The following RGS7BP variants were observed in gnomAD, a reference collection of about 807,000 sequenced individuals.
RGS7BP encodes the protein regulator of G protein signaling 7 binding protein, also known as regulator of G protein signaling 7-binding protein.
Under a neutral mutation model 31.3 loss-of-function variants are expected in RGS7BP, and 9 were observed. The observed-to-expected ratio is 0.29, with a 90% CI of 0.17 to 0.50. The LOEUF (loss-of-function observed/expected upper bound fraction) is 0.50. RGS7BP is among the 20% of genes least tolerant of loss of function. RGS7BP has a pLI of 0.98. For missense variants in RGS7BP, 274 were observed against 322.0 expected (o/e 0.85, Z 1.14); for synonymous variants, 115 against 120.1 (o/e 0.96, Z 0.28).
intron 3 of RGS7BP, among the ~76,000 whole-genome samples, chr5:64,589,442 A>C (rs751582641): frequency 6.6e-6 from 1 of 152,190 alleles, no homozygotes; most frequent in Admixed American, 6.6e-5. Flanking sequence ...GGTGTGATGC[A>C]CTAAGGACAC....
intron 2 of RGS7BP, among the ~76,000 whole-genome samples, chr5:64,567,715 A>G (rs1319861633): frequency 1.3e-5 from 2 of 152,188 alleles, no homozygotes; most frequent in African/African-American, 4.8e-5. Context: ...ATACAGCATC[A>G]CTAACTTAAT....
chr5:64,602,107 A>G (rs897100693), intron 5 of RGS7BP, among the ~76,000 whole-genome samples: 3 of 152,182 alleles, frequency 2.0e-5, no homozygotes, highest in African/African-American at 7.2e-5. Flanking sequence ...TCCCAAACTC[A>G]TAGCATCCTC....
intron 5 of RGS7BP, among the ~76,000 whole-genome samples, chr5:64,602,889 T>A (rs993509567): frequency 1.3e-5 from 2 of 152,208 alleles, no homozygotes; most frequent in African/African-American, 4.8e-5. Context: ...GTGCTGAGAA[T>A]TTTTAGGATG....
Position 64,608,584 on chromosome 5 carries a change from A to G in RGS7BP, c.683-577A>G, listed in dbSNP as rs143759077. Among the ~76,000 whole-genome samples the G allele has an allele frequency of 6.6e-3, 1,011 of 152,212 alleles. 4 individuals carry two copies. Among genetic ancestry groups the G allele is most frequent in the African/African-American group, 0.022 (921 of 41,568 alleles). On this transcript the variant is annotated intron_variant, in intron 5 of 5. Coordinates refer to ENST00000334025, the MANE Select transcript of RGS7BP (RefSeq NM_001029875.3). ...GCTATTTTAACTAAACGCTTCCTCT[A>G]TGCTAGACAGTAAGCTACTCACCAT...
rs567434898 is a variant in RGS7BP, at chr5:64,516,619, T to A, written c.332+8742T>A. Among the ~76,000 whole-genome samples, 82 of 152,328 alleles carry A rather than the reference T, an allele frequency of 5.4e-4. 1 individual carries two copies. The highest frequency in any genetic ancestry group is 7.1e-4 in the Non-Finnish European group (48 of 68,030). On this transcript the variant is annotated intron_variant, in intron 2 of 5. Coordinates refer to ENST00000334025, the MANE Select transcript of RGS7BP (RefSeq NM_001029875.3). ...GTGTTTCTTCAAATTTGAAACTAGA[T>A]TTCCTGTATCAGAATCATGTGGGTG...
intron 2 of RGS7BP, among the ~76,000 whole-genome samples, chr5:64,512,230 A>T (rs1223365044): frequency 6.6e-6 from 1 of 152,208 alleles, no homozygotes; most frequent in Non-Finnish European, 1.5e-5. Flanking sequence ...ATGTAGAAAG[A>T]TTTACTCCAG....
At chr5:64,593,495 G>A (rs866787626) in intron 3 of RGS7BP, among the ~76,000 whole-genome samples, 17 of 152,284 alleles carry the variant, frequency 1.1e-4, no homozygotes, top group Middle Eastern at 6.8e-3. Context: ...AATATTCAGT[G>A]ATATGGGCTG....
chr5:64,603,913 T>A (rs1743285991), intron 5 of RGS7BP, among the ~76,000 whole-genome samples: 1 of 152,104 alleles, frequency 6.6e-6, no homozygotes, highest in African/African-American at 2.4e-5. Flanking sequence ...TGCAGAAGCA[T>A]GGAGCAGTCA....
Position 64,575,904 on chromosome 5 carries a change from G to A in RGS7BP, c.463G>A (p.Gly155Arg). Residue 155 changes from glycine to arginine, a missense_variant and splice_region_variant, in exon 3 of 6, where the codon GGA (glycine) becomes AGA (arginine). By Grantham distance (125) the Gly-to-Arg change is moderately radical (BLOSUM62 -2). Transcript: ENST00000334025. ...GGGGTCTCTTCAGTTTCATCGAAAA[G>A]GTATCTACATTTAATATTGCCGGAA... is the stretch of plus-strand genomic sequence containing the variant. Reference protein sequence around the residue: ...LLGSLQFHRKGKEPGGGTKSL... With the variant: ...LLGSLQFHRKRKEPGGGTKSL... The A allele has an allele frequency of 1.2e-6, 2 of 1,602,974 alleles. No homozygotes were observed. The highest frequency in any genetic ancestry group is 1.7e-6 in the Non-Finnish European group (2 of 1,176,196).
chr5:64,517,468 A>G (rs1249673284), intron 2 of RGS7BP, among the ~76,000 whole-genome samples: 1 of 152,202 alleles, frequency 6.6e-6, no homozygotes, highest in East Asian at 1.9e-4. Flanking sequence ...TAAACACTCC[A>G]CTTCCTCAAA....
intron 2 of RGS7BP, among the ~76,000 whole-genome samples, chr5:64,530,960 G>A (rs1749356471): frequency 6.6e-6 from 1 of 152,174 alleles, no homozygotes. Context: ...CCAGGATGTT[G>A]CCCTAGCCAA....
At chr5:64,603,191 G>A (rs1482433132) in intron 5 of RGS7BP, among the ~76,000 whole-genome samples, 1 of 151,916 alleles carries the variant, frequency 6.6e-6, no homozygotes, top group Non-Finnish European at 1.5e-5. Context: ...CCTAAAGTCA[G>A]GGGATTGGAG....
At chr5:64,558,660 T>C (rs1477791331) in intron 2 of RGS7BP, among the ~76,000 whole-genome samples, 2 of 152,076 alleles carry the variant, frequency 1.3e-5, no homozygotes, top group African/African-American at 4.8e-5. Context: ...GAGATAACCA[T>C]TAGGTTTGAC....
At chr5:64,512,651 A>G (rs545677482) in intron 2 of RGS7BP, among the ~76,000 whole-genome samples, 1 of 152,218 alleles carries the variant, frequency 6.6e-6, no homozygotes, top group African/African-American at 2.4e-5. Flanking sequence ...TTAAAAATTC[A>G]GATTGCCGAG....
At chr5:64,570,264 C>T (rs1742273618) in intron 2 of RGS7BP, among the ~76,000 whole-genome samples, 1 of 152,058 alleles carries the variant, frequency 6.6e-6, no homozygotes, top group South Asian at 2.1e-4. Context: ...CCATCCTTTG[C>T]CTTTTATACT....
chr5:64,555,819 G>A (rs1262338811), intron 2 of RGS7BP, among the ~76,000 whole-genome samples: 2 of 151,992 alleles, frequency 1.3e-5, no homozygotes, highest in Non-Finnish European at 2.9e-5. Context: ...TGGTAAAATT[G>A]GTACACATAT....
chr5:64,596,026 A>G (rs1026350094), intron 4 of RGS7BP, among the ~76,000 whole-genome samples: 1 of 152,236 alleles, frequency 6.6e-6, no homozygotes, highest in Non-Finnish European at 1.5e-5. Context: ...CTTAATTTAT[A>G]AAGTAGAAAA....
At chr5:64,600,058 C>T (rs1306884724) in intron 5 of RGS7BP, among the ~76,000 whole-genome samples, 2 of 152,194 alleles carry the variant, frequency 1.3e-5, no homozygotes, top group Non-Finnish European at 2.9e-5. Flanking sequence ...TGCTACCACT[C>T]ACTCTGCAAC....
At chr5:64,539,271 G>A (rs1741461922) in intron 2 of RGS7BP, among the ~76,000 whole-genome samples, 2 of 152,108 alleles carry the variant, frequency 1.3e-5, no homozygotes, top group Non-Finnish European at 2.9e-5. Context: ...TTCTGGATAT[G>A]AGTCATTTGT....
Sources: allele counts gnomAD v4.1 joint callset (sites outside exome capture counted in the v4.1 genomes callset), GRCh38; gene constraint gnomAD v4.1.1; transcripts MANE v1.5; gene names NCBI Gene and HGNC (gene_info 2026-07-23, HGNC 2026-07-21).